The following PHACTR2 variants were observed in gnomAD, a reference collection of about 807,000 sequenced individuals.
PHACTR2 encodes chromosome 6 open reading frame 56.
In PHACTR2, 30 loss-of-function variants were observed where a neutral mutation model predicts 76.0. That is an observed-to-expected ratio of 0.39 (90% CI 0.30 to 0.54). The LOEUF (loss-of-function observed/expected upper bound fraction) is 0.54. Among genes scored for constraint, PHACTR2 ranks in the 20% least tolerant of loss-of-function variants. The pLI is 0.61. For missense variants in PHACTR2, 696 were observed against 781.1 expected, an observed-to-expected ratio of 0.89 and a Z score of 1.30; for synonymous variants, 292 against 292.5, an observed-to-expected ratio of 1.00 and a Z score of 0.02.
At chr6:143,702,698 A>T (rs1311448179) in intron 1 of PHACTR2, among the ~76,000 whole-genome samples, 1 of 151,146 alleles carries the variant, frequency 6.6e-6, no homozygotes, top group East Asian at 1.9e-4. Flanking sequence ...TAACACTGTA[A>T]CCCAGTGCTT....
intron 1 of PHACTR2, among the ~76,000 whole-genome samples, chr6:143,567,341 C>T (rs1775377608): frequency 6.6e-6 from 1 of 152,104 alleles, no homozygotes; most frequent in African/African-American, 2.4e-5. Context: ...TAGTTTTCTC[C>T]ATACAGGCTT....
At position 143,574,704 on chromosome 6, in the gene PHACTR2, A is replaced by T. The variant is rs564851635; in HGVS notation, c.217+37497A>T. On this transcript the variant is annotated intron_variant, in intron 1 of 11. Coordinates refer to the PHACTR2 transcript ENST00000367584. ...CTTTTGATGGCATTAAAAAAAAAAAAGCAGTGGCTCTGAGTCAGTTATGTT... is the reference window on the plus strand; with the variant it reads ...CTTTTGATGGCATTAAAAAAAAAAATGCAGTGGCTCTGAGTCAGTTATGTT... Among the ~76,000 whole-genome samples, 3 of 146,556 alleles carry T rather than the reference A, an allele frequency of 2.0e-5. No homozygotes were observed. The South Asian group carries it at 6.5e-4, about 32-fold the overall frequency.
At chr6:143,606,083 A>G (rs944201701), upstream of PHACTR2, among the ~76,000 whole-genome samples, 5 of 152,230 alleles carry the variant, frequency 3.3e-5, no homozygotes, top group Admixed American at 2.0e-4. Flanking sequence ...TAGAAAACAT[A>G]TGCTACTTAT....
chr6:143,686,512 G>C (rs1220506757), intron 1 of PHACTR2, among the ~76,000 whole-genome samples: 1 of 101,038 alleles, frequency 9.9e-6, no homozygotes, highest in African/African-American at 3.8e-5. Context: ...TTTTGAGACA[G>C]AGTCTCGCTC....
chr6:143,728,866 C>T (rs576607263), intron 2 of PHACTR2, among the ~76,000 whole-genome samples: 48 of 151,922 alleles, frequency 3.2e-4, no homozygotes, highest in Non-Finnish European at 5.9e-4. Context: ...AACAGAAGAC[C>T]TAAAACTATG....
intron 6 of PHACTR2, among the ~76,000 whole-genome samples, chr6:143,766,483 T>C (rs1779566461): frequency 6.6e-6 from 1 of 152,220 alleles, no homozygotes; most frequent in African/African-American, 2.4e-5. Context: ...AAAAAGGGAT[T>C]TAAGATGGTT....
rs1211739586 is a variant in PHACTR2, at chr6:143,791,697, T to C, written c.1845+2787T>C. 6.6e-6 allele frequency among the ~76,000 whole-genome samples: 1 copy of C among 152,208 alleles called. No homozygotes were observed. Among genetic ancestry groups the C allele is most frequent in the Non-Finnish European group, 1.5e-5 (1 of 68,046 alleles). ...TTAAATCTCCCACTATGTGGATTTTTTTTTTTACTTCTCCTTATAATTCTG... is the reference window on the plus strand; with the variant it reads ...TTAAATCTCCCACTATGTGGATTTTCTTTTTTACTTCTCCTTATAATTCTG... On this transcript the variant is annotated intron_variant, in intron 11 of 12. Transcript: ENST00000440869. This position sits in a 1 kb window ranked among gnomAD's most constrained non-coding sequence, Gnocchi z 4.7.
Position 143,733,865 on chromosome 6 carries a change from A to G in PHACTR2, c.215-15120A>G, listed in dbSNP as rs1186698820. On this transcript the variant is annotated intron_variant, in intron 2 of 12. Transcript: ENST00000440869. The surrounding 1 kb of genome is among the most constrained non-coding windows in gnomAD (Gnocchi z 4.0). ...GAGTGCTAGAAATTCTGTGGGCAAG[A>G]GATATTATATAATAATTTTATTACG... Among the ~76,000 whole-genome samples the G allele has an allele frequency of 6.6e-6, 1 of 152,232 alleles. No homozygotes were observed.
At chr6:143,687,098 C>T (rs1385586018) in intron 1 of PHACTR2, among the ~76,000 whole-genome samples, 5 of 152,080 alleles carry the variant, frequency 3.3e-5, no homozygotes, top group Non-Finnish European at 7.4e-5. Flanking sequence ...ATGTCTCTTA[C>T]TTTGAGAGAA....
At chr6:143,790,242 G>C (rs1582883843) in intron 11 of PHACTR2, among the ~76,000 whole-genome samples, 1 of 152,268 alleles carries the variant, frequency 6.6e-6, no homozygotes, top group Non-Finnish European at 1.5e-5. Flanking sequence ...TGGAAAATGA[G>C]ATACAGTATC....
rs35759832 is a variant in PHACTR2 at position 143,778,473 on chromosome 6, CT to C, written c.1645+1102del. Among the ~76,000 whole-genome samples the C allele has an allele frequency of 7.1e-3, 1,021 of 143,644 alleles. 6 individuals are homozygous for C. The highest frequency in any genetic ancestry group is 0.017 in the African/African-American group (681 of 39,708). The allele number at this position is 143,644 out of a possible 152,430, so 94.2% of individuals were successfully genotyped here. The stretch of plus-strand genomic sequence containing the variant: ...CTTTCTTTGGAATGCTTTTTTCTGG[CT>C]TTTTTTTTTTTGACATAACTAGAAT... On this transcript the variant is annotated intron_variant, in intron 9 of 12. Transcript: ENST00000440869.
intron 11 of PHACTR2, among the ~76,000 whole-genome samples, chr6:143,797,772 G>A (rs1170691225): frequency 2.0e-5 from 3 of 152,108 alleles, no homozygotes; most frequent in African/African-American, 4.8e-5. Context: ...ATCTGTTTTG[G>A]CACCAGTACC....
chr6:143,606,943 A>G (rs1459070730), upstream of PHACTR2, among the ~76,000 whole-genome samples: 1 of 152,222 alleles, frequency 6.6e-6, no homozygotes, highest in Non-Finnish European at 1.5e-5. Context: ...CACTGACGTA[A>G]ACAAAGTGTT....
rs1033524283 is a variant in PHACTR2 at position 143,608,398 on chromosome 6, G to T, written c.13+76G>T. On this transcript the variant is annotated intron_variant, in intron 1 of 11. Transcript: ENST00000305766. This position sits in a 1 kb window ranked among gnomAD's most constrained non-coding sequence, Gnocchi z 4.6. ...CCGCATCCTTTACTGCGGAAGGTTT[G>T]CCTATTTGTTGCTCTCGTTTTGCAC... 46 of 1,487,666 alleles carry T rather than the reference G, an allele frequency of 3.1e-5. No homozygotes were observed. The highest frequency in any genetic ancestry group is 4.2e-5 in the Non-Finnish European group (45 of 1,067,230). The allele number at this position is 1,487,666 out of a possible 1,614,324, so 92.2% of individuals were successfully genotyped here.
At position 143,687,740 on chromosome 6, in the gene PHACTR2, TA is replaced by T. The variant is rs796677437; in HGVS notation, c.46+9533del. ...AGTAAAACACTGCAGCCCTTAACAC[TA>T]AGGAAATTTGGCTGCCAAGGAAGGA... is the stretch of plus-strand genomic sequence containing the variant. On this transcript the variant is annotated intron_variant, in intron 1 of 12. Coordinates refer to ENST00000440869, the MANE Select transcript of PHACTR2 (RefSeq NM_001100164.2). 1.2e-3 allele frequency among the ~76,000 whole-genome samples: 186 copies of T among 152,310 alleles called. 1 individual carries two copies. The highest frequency in any genetic ancestry group is 4.3e-3 in the African/African-American group (178 of 41,556).
At position 143,733,174 on chromosome 6, in the gene PHACTR2, G is replaced by C. The variant is rs1441975814; in HGVS notation, c.215-15811G>C. ...GACCTCCCAAAGTGCTGGGATTATA[G>C]ATGTGAGCCACCATGCCTAGCCTGA... On this transcript the variant is annotated intron_variant, in intron 2 of 12. Coordinates refer to ENST00000440869, the MANE Select transcript of PHACTR2 (RefSeq NM_001100164.2). The surrounding 1 kb of genome is among the most constrained non-coding windows in gnomAD (Gnocchi z 4.0). Among the ~76,000 whole-genome samples, 1 of 152,148 alleles carries C rather than the reference G, an allele frequency of 6.6e-6. No individual in the cohort carries two copies. The highest frequency in any genetic ancestry group is 1.5e-5 in the Non-Finnish European group (1 of 68,034).
At chr6:143,620,597 GTTTA>G (rs994688408) in intron 1 of PHACTR2, among the ~76,000 whole-genome samples, 40 of 152,258 alleles carry the variant, frequency 2.6e-4, no homozygotes, top group Admixed American at 1.8e-3. Flanking sequence ...AGGCAGAGAA[GTTTA>G]TTTATTTATT....
rs979290811 is a variant in PHACTR2, at chr6:143,618,811, C to T, written c.13+10489C>T. Among the ~76,000 whole-genome samples the T allele has an allele frequency of 6.6e-6, 1 of 152,102 alleles. No individual in the cohort carries two copies. Among genetic ancestry groups the T allele is most frequent in the African/African-American group, 2.4e-5 (1 of 41,412 alleles). Reference sequence around the variant, plus strand: ...GAATGAGTGTTCTCACTCCTCTCCTCTCCTCCCCGAAAACTCTCTTCTACC... The same window carrying T: ...GAATGAGTGTTCTCACTCCTCTCCTTTCCTCCCCGAAAACTCTCTTCTACC... On this transcript the variant is annotated intron_variant, in intron 1 of 11. Transcript: ENST00000305766. The surrounding 1 kb of genome is among the most constrained non-coding windows in gnomAD (Gnocchi z 5.2).
rs781394386 is a variant in PHACTR2 at position 143,823,700 on chromosome 6, G to A, written c.*11G>A. ...TTTCATCGTCCATAACGAAGAGTGA[G>A]ACTATTTGGAAACAGAGACTGATCA... On this transcript the variant is annotated 3_prime_UTR_variant, in exon 13 of 13. Transcript: ENST00000440869. The surrounding 1 kb of genome is among the most constrained non-coding windows in gnomAD (Gnocchi z 5.7). 6.2e-7 allele frequency: 1 copy of A among 1,607,976 alleles called. No individual in the cohort carries two copies. The highest frequency in any genetic ancestry group is 1.1e-5 in the South Asian group (1 of 90,924).
Sources: allele counts gnomAD v4.1 joint callset (sites outside exome capture counted in the v4.1 genomes callset), GRCh38; gene constraint gnomAD v4.1.1; non-coding constraint Gnocchi (gnomAD v3.1); transcripts MANE v1.5; gene names NCBI Gene and HGNC (gene_info 2026-07-23, HGNC 2026-07-21).